The following MYH7B variants were observed in gnomAD, a reference collection of about 807,000 sequenced individuals.
MYH7B encodes myosin-7B.
In MYH7B, 205 loss-of-function variants were observed where a neutral mutation model predicts 234.5. That is an observed-to-expected ratio of 0.87 (90% CI 0.78 to 0.98). The LOEUF is 0.98. MYH7B is among the 50% of genes least tolerant of loss of function. The probability of loss-of-function intolerance (pLI) is 0.00; values close to 1 mark genes in which losing one functional copy is unlikely to be tolerated. For synonymous variants in MYH7B, 1,193 were observed against 1,105.0 expected (o/e 1.08, Z -1.58); for missense variants, 2,652 against 2,633.4 (o/e 1.01, Z -0.15).
At chr20:34,988,376 CTG>C (rs1600442814) in intron 19 of MYH7B, 114 bp downstream of exon 19, 13 of 1,199,788 alleles carry the variant, frequency 1.1e-5, no homozygotes, top group East Asian at 2.5e-5. Context: ...AAGCGTGTGA[CTG>C]TGCGTTGCAG....
intron 2 of MYH7B, among the ~76,000 whole-genome samples, chr20:34,965,169 G>A (rs370707382): frequency 3.9e-5 from 6 of 152,268 alleles, no homozygotes; most frequent in African/African-American, 1.4e-4. Context: ...TGGGATTACA[G>A]GCATGAGCCA....
At chr20:35,000,188 G>A in intron 38 of MYH7B, 105 bp from the exon 39 acceptor site, 2 of 1,334,876 alleles carry the variant, frequency 1.5e-6, no homozygotes, top group Non-Finnish European at 2.0e-6. Flanking sequence ...GGGGAGGGGT[G>A]ACTCATTTGT....
At chr20:34,990,662 G>C (rs984333729) in intron 22 of MYH7B, 76 bp from the exon 23 acceptor site, 16 of 1,390,754 alleles carry the variant, frequency 1.2e-5, no homozygotes, top group African/African-American at 2.8e-5. Flanking sequence ...CTCCCGTCTC[G>C]GTCCTGACCA....
At chr20:34,985,254 T>C in intron 13 of MYH7B, 125 bp downstream of exon 13, 2 of 876,116 alleles carry the variant, frequency 2.3e-6, no homozygotes, top group Non-Finnish European at 3.7e-6. Context: ...ACCCCCTGGC[T>C]GCTGCCCAGC....
exon 33 of MYH7B, chr20:34,998,341 A>C: frequency 6.2e-7 from 1 of 1,614,036 alleles, no homozygotes; most frequent in Non-Finnish European, 8.5e-7. Context: ...CAGCTAAGCG[A>C]GGCCAAGATC....
rs2082127837 is a variant in MYH7B, at chr20:34,990,620, AAG to A, written c.1978-115_1978-114del. On this transcript the variant is annotated intron_variant, in intron 22 of 44. Transcript: ENST00000262873. ...TCTCCCATCACCAGAATGAGAGTGA[AAG>A]AGCAAAAGTGCAGGGCACTTAGGGC... 1.9e-5 allele frequency: 17 copies of A among 911,536 alleles called. 1 individual carries two copies. The South Asian group carries it at 2.1e-4, about 11-fold the overall frequency. The allele number at this position is 911,536 out of a possible 1,614,324, so 56.5% of individuals were successfully genotyped here. A position where few individuals can be genotyped will look rare whatever the true frequency, so the allele number is the denominator to read the frequency against.
chr20:34,984,709 G>C (rs2081988706), exon 11 of MYH7B: 1 of 1,599,750 alleles, frequency 6.3e-7, no homozygotes, highest in East Asian at 2.3e-5. Context: ...TGGCAACAAA[G>C]ACGGGGGTGA....
In MYH7B at chr20:34,997,559, G is replaced by A. The variant is rs1040236889; in HGVS notation, c.3666G>A (p.Gln1222=). 1.9e-6 allele frequency: 3 copies of A among 1,612,838 alleles called. No homozygotes were observed. The African/African-American group carries it at 4.0e-5, about 22-fold the overall frequency. The stretch of plus-strand genomic sequence containing the variant: ...TGGACAGCCTGCAGCGGGTGCGGCA[G>A]AAGCTGGAGAAGGAGAAGAGTGAGC... The change falls in exon 32 of 45, where the codon CAG becomes CAA. Residue 1222 remains glutamine (Q), a synonymous_variant. Coordinates refer to ENST00000262873, the Ensembl canonical transcript of MYH7B.
chr20:34,984,712 G>T, exon 11 of MYH7B: 1 of 1,602,516 alleles, frequency 6.2e-7, no homozygotes, highest in Non-Finnish European at 8.5e-7. Context: ...CAACAAAGAC[G>T]GGGGTGAGTA....
chr20:34,995,209 C>T, intron 27 of MYH7B, 127 bp from the exon 28 acceptor site: 1 of 882,210 alleles, frequency 1.1e-6, no homozygotes, highest in East Asian at 2.6e-5. Context: ...TCAAGACATT[C>T]CTGAGTTCTC....
intron 1 of MYH7B, among the ~76,000 whole-genome samples, chr20:34,957,354 T>A (rs933089408): frequency 2.6e-5 from 4 of 151,880 alleles, no homozygotes; most frequent in Admixed American, 2.6e-4. Flanking sequence ...AGATGTGAGA[T>A]CATGAGGCTG....
At chr20:34,982,760 C>T (rs993410913) in intron 10 of MYH7B, among the ~76,000 whole-genome samples, 3 of 152,196 alleles carry the variant, frequency 2.0e-5, no homozygotes, top group East Asian at 3.9e-4. Flanking sequence ...CGCCTGCCTT[C>T]GCCTTCCCAT....
exon 39 of MYH7B, chr20:35,000,369 C>A: frequency 6.3e-7 from 1 of 1,599,024 alleles, no homozygotes; most frequent in Non-Finnish European, 8.5e-7. Flanking sequence ...TGAGGCGCTG[C>A]GGCTCAAGAA....
At chr20:34,984,598 C>A in intron 10 of MYH7B, 94 bp from the exon 11 acceptor site, 1 of 1,166,258 alleles carries the variant, frequency 8.6e-7, no homozygotes, top group Non-Finnish European at 1.3e-6. Context: ...CCCCCCTGTC[C>A]TGCTGCCCGC....
At chr20:34,988,160 C>A (rs1375589172) in exon 19 of MYH7B, 1 of 1,614,150 alleles carries the variant, frequency 6.2e-7, no homozygotes, top group East Asian at 2.2e-5. Flanking sequence ...TCAACCAGCA[C>A]ATGTTTGTGC....
intron 35 of MYH7B, 54 bp from the exon 36 acceptor site, chr20:34,999,002 G>A: frequency 1.9e-6 from 3 of 1,581,970 alleles, no homozygotes; most frequent in South Asian, 2.3e-5. Context: ...GGGAGCTGCT[G>A]GGGCTGTTCT....
At chr20:34,997,516 C>G (rs372505798) in exon 32 of MYH7B, 6 of 1,598,676 alleles carry the variant, frequency 3.8e-6, no homozygotes, top group Non-Finnish European at 4.3e-6. Context: ...GAGGGCGCGG[C>G]GGAGCTGGGG....
In MYH7B at chr20:34,980,572, C is replaced by T. The variant is rs775154250; in HGVS notation, c.343-6C>T. Reference sequence around the variant, plus strand: ...AACATAAACCCTACCTATACTCTCTCTTCAGACCTACTCAGGCCTCTTCTG... The same window carrying T: ...AACATAAACCCTACCTATACTCTCTTTTCAGACCTACTCAGGCCTCTTCTG... On this transcript the variant is annotated splice_region_variant and splice_polypyrimidine_tract_variant and intron_variant, in intron 7 of 44. Transcript: ENST00000262873. The T allele has an allele frequency of 1.2e-6, 2 of 1,612,348 alleles. No individual in the cohort carries two copies. The highest frequency in any genetic ancestry group is 2.2e-5 in the East Asian group (1 of 44,860).
At chr20:34,998,676 C>T (rs1344914163) in intron 34 of MYH7B, 43 bp from the exon 35 acceptor site, 2 of 1,612,210 alleles carry the variant, frequency 1.2e-6, no homozygotes, top group Admixed American at 3.3e-5. Context: ...GGCACCAGAG[C>T]CACTGGGCTG....
Sources: allele counts gnomAD v4.1 joint callset (sites outside exome capture counted in the v4.1 genomes callset), GRCh38; gene constraint gnomAD v4.1.1; transcripts MANE v1.5; gene names NCBI Gene and HGNC (gene_info 2026-07-23, HGNC 2026-07-21).